The following INSL6 variants were observed in gnomAD, a reference collection of about 807,000 sequenced individuals.
INSL6 encodes insulin-like peptide INSL6.
A neutral mutation model predicts 9.4 loss-of-function variants in INSL6; 16 were observed. The ratio of observed to expected loss-of-function variants is 1.70; its 90% CI spans 1.15 to 2.59. The LOEUF (loss-of-function observed/expected upper bound fraction) is 2.59. INSL6 is among the 30% of genes most tolerant of loss of function. The pLI, the probability that INSL6 is intolerant of heterozygous loss-of-function variation, is 0.00. For missense variants in INSL6, 391 were observed against 257.3 expected, an observed-to-expected ratio of 1.52 and a Z score of -3.56; for synonymous variants, 154 against 96.9, an observed-to-expected ratio of 1.59 and a Z score of -3.46.
chr9:5,167,096 C>G (rs1013478822), intron 1 of INSL6, among the ~76,000 whole-genome samples: 10 of 152,080 alleles, frequency 6.6e-5, no homozygotes, highest in African/African-American at 1.9e-4. Context: ...TGGCGTGACT[C>G]AGAGAGAGCA....
At chr9:5,006,855 A>G in the INSL6 span, among the ~76,000 whole-genome samples, 2 of 152,176 alleles carry the variant, frequency 1.3e-5, no homozygotes, top group Admixed American at 6.5e-5. Flanking sequence ...TTCAAATTTT[A>G]TATTTCTTCT....
the INSL6 span, chr9:5,066,834 T>G: frequency 1.3e-6 from 1 of 798,496 alleles, no homozygotes; most frequent in Non-Finnish European, 1.9e-6. Context: ...ATTTAGTTCA[T>G]TTAATTTCCT....
At chr9:5,080,892 C>CTTTTTTTTTTTT in the INSL6 span, among the ~76,000 whole-genome samples, 1 of 95,616 alleles carries the variant, frequency 1.0e-5, no homozygotes, top group African/African-American at 4.6e-5. Flanking sequence ...AAGACCTTTT[C>CTTTTTTTTTTTT]TTTTTTTTTT....
chr9:5,009,697 T>C, the INSL6 span, among the ~76,000 whole-genome samples: 6 of 152,186 alleles, frequency 3.9e-5, no homozygotes, highest in Non-Finnish European at 5.9e-5. Flanking sequence ...TGCATATTTA[T>C]GCTTTTTATG....
At chr9:5,078,278 T>G in the INSL6 span, 23 of 1,595,416 alleles carry the variant, frequency 1.4e-5, no homozygotes, top group Non-Finnish European at 1.8e-5. Context: ...GACTGATATT[T>G]GAATATATGT....
the INSL6 span, among the ~76,000 whole-genome samples, chr9:5,033,532 A>G: frequency 6.6e-6 from 1 of 152,258 alleles, no homozygotes; most frequent in African/African-American, 2.4e-5. Context: ...TCAGACTAAC[A>G]GCAGATCTCT....
intron 1 of INSL6, among the ~76,000 whole-genome samples, chr9:5,170,132 C>A (rs1271150021): frequency 6.6e-6 from 1 of 152,128 alleles, no homozygotes; most frequent in Admixed American, 6.5e-5. Context: ...TGCAAAAGAA[C>A]TGAAATCATA....
intron 2 of INSL6, among the ~76,000 whole-genome samples, chr9:5,134,290 T>G (rs189848540): frequency 6.6e-6 from 1 of 152,182 alleles, no homozygotes; most frequent in Non-Finnish European, 1.5e-5. Context: ...CCACGAGAAC[T>G]TCCCCAACCT....
the INSL6 span, among the ~76,000 whole-genome samples, chr9:5,088,542 C>CA: frequency 1.7e-4 from 25 of 149,914 alleles, no homozygotes; most frequent in East Asian, 7.8e-4. Context: ...AAGACATCTT[C>CA]AAAAAAAAAA....
chr9:5,003,596 AGT>A, the INSL6 span, among the ~76,000 whole-genome samples: 1 of 152,048 alleles, frequency 6.6e-6, no homozygotes, highest in Non-Finnish European at 1.5e-5. Context: ...AAATTCACTC[AGT>A]GATTGGTAGA....
At chr9:5,149,250 C>G (rs75035022) in intron 2 of INSL6, among the ~76,000 whole-genome samples, 1 of 152,208 alleles carries the variant, frequency 6.6e-6, no homozygotes, top group East Asian at 1.9e-4. Flanking sequence ...GCACCCCAAA[C>G]GGGATTCCCA....
chr9:5,077,835 G>A, the INSL6 span, among the ~76,000 whole-genome samples: 4 of 152,094 alleles, frequency 2.6e-5, no homozygotes, highest in South Asian at 2.1e-4. Context: ...GTGTCTTTTG[G>A]ATTTAGAAAA....
At chr9:5,029,796 G>A in the INSL6 span, 1 of 1,610,378 alleles carries the variant, frequency 6.2e-7, no homozygotes, top group Non-Finnish European at 8.5e-7. Context: ...TCACACCTGT[G>A]TATCATAATA....
intron 2 of INSL6, among the ~76,000 whole-genome samples, chr9:5,149,462 G>T (rs1055607523): frequency 2.6e-5 from 4 of 152,048 alleles, no homozygotes; most frequent in Non-Finnish European, 4.4e-5. Flanking sequence ...TGATCAAGCT[G>T]AAAACCAAAT....
the INSL6 span, among the ~76,000 whole-genome samples, chr9:5,103,258 A>G: frequency 1.6e-5 from 2 of 125,020 alleles, no homozygotes; most frequent in African/African-American, 6.1e-5. Context: ...AAAAAAAAGC[A>G]GGAGTTGCAA....
At chr9:4,993,695 C>G in the INSL6 span, among the ~76,000 whole-genome samples, 1 of 152,186 alleles carries the variant, frequency 6.6e-6, no homozygotes, top group Non-Finnish European at 1.5e-5. Context: ...GAAGTTTCCT[C>G]AAGACCCTTT....
chr9:5,172,340 C>G (rs183011895), intron 1 of INSL6, among the ~76,000 whole-genome samples: 15 of 152,196 alleles, frequency 9.9e-5, no homozygotes, highest in Admixed American at 2.0e-4. Flanking sequence ...AACTGTAAAA[C>G]CAAAACTATA....
At chr9:5,180,996 T>C (rs7032616) in intron 1 of INSL6, among the ~76,000 whole-genome samples, 63,583 of 152,028 alleles carry the variant, frequency 0.42, 16,208 homozygotes, top group African/African-American at 0.73. Context: ...AGAGTCCTAC[T>C]GATATGTGCT....
At chr9:5,012,488 C>G in the INSL6 span, among the ~76,000 whole-genome samples, 1 of 152,070 alleles carries the variant, frequency 6.6e-6, no homozygotes, top group Non-Finnish European at 1.5e-5. Context: ...TGTTATTTAT[C>G]ATTTCCTTGG....
Sources: allele counts gnomAD v4.1 joint callset (sites outside exome capture counted in the v4.1 genomes callset), GRCh38; gene constraint gnomAD v4.1.1; transcripts MANE v1.5; gene names NCBI Gene and HGNC (gene_info 2026-07-23, HGNC 2026-07-21).